Variants in KBTBD3 observed in about 807,000 individuals in gnomAD.
KBTBD3 encodes kelch repeat and BTB domain containing 3.
Under a neutral mutation model 49.6 loss-of-function variants are expected in KBTBD3, and 38 were observed. The ratio of observed to expected loss-of-function variants is 0.77; its 90% CI spans 0.59 to 1.00. The LOEUF (loss-of-function observed/expected upper bound fraction) is 1.00, where lower values mean the gene tolerates loss of function less well. KBTBD3 is among the 50% of genes least tolerant of loss of function. KBTBD3 has a pLI of 0.00. For missense variants in KBTBD3, 661 were observed against 712.0 expected (o/e 0.93, Z 0.81); for synonymous variants, 214 against 250.4 (o/e 0.85, Z 1.37).
intron 2 of KBTBD3, among the ~76,000 whole-genome samples, chr11:106,070,230 A>G (rs574083809): frequency 6.6e-6 from 1 of 152,138 alleles, no homozygotes; most frequent in Admixed American, 6.5e-5. Flanking sequence ...TAACACATAA[A>G]TGAAAAAAAT....
intron 2 of KBTBD3, among the ~76,000 whole-genome samples, chr11:106,072,194 C>T (rs1320901131): frequency 6.6e-6 from 1 of 152,062 alleles, no homozygotes; most frequent in Non-Finnish European, 1.5e-5. Context: ...AATGATATAT[C>T]ACTAATGCTC....
intron 2 of KBTBD3, among the ~76,000 whole-genome samples, chr11:106,074,339 A>G (rs1174449161): frequency 6.6e-6 from 1 of 152,144 alleles, no homozygotes; most frequent in African/African-American, 2.4e-5. Flanking sequence ...CATCACCTCC[A>G]GTTATCGTCT....
At chr11:106,073,501 T>C (rs2135025820) in intron 2 of KBTBD3, among the ~76,000 whole-genome samples, 1 of 152,230 alleles carries the variant, frequency 6.6e-6, no homozygotes, top group Admixed American at 6.5e-5. Context: ...AAACAGGCTT[T>C]GATAATTTAA....
At chr11:106,066,037 G>GTA (rs1860805556) in intron 2 of KBTBD3, among the ~76,000 whole-genome samples, 1 of 151,762 alleles carries the variant, frequency 6.6e-6, no homozygotes, top group Non-Finnish European at 1.5e-5. Context: ...TTTTGCTTTG[G>GTA]TATAGATGGG....
intron 2 of KBTBD3, among the ~76,000 whole-genome samples, chr11:106,068,917 A>T (rs934992318): frequency 6.6e-6 from 1 of 152,202 alleles, no homozygotes; most frequent in Non-Finnish European, 1.5e-5. Flanking sequence ...CGATTAGTGT[A>T]ATTTATCCTA....
At chr11:106,057,323 T>C (rs1860573097) in intron 3 of KBTBD3, 1 of 152,236 alleles carries the variant, frequency 6.6e-6, no homozygotes, top group Non-Finnish European at 1.5e-5. Flanking sequence ...TCTTAGTATT[T>C]CTATATCTTA....
rs1860461552 is a variant in KBTBD3, at chr11:106,053,200, A to T, written c.1489T>A (p.Phe497Ile). 3 of 1,613,550 alleles carry T rather than the reference A, an allele frequency of 1.9e-6. No homozygotes were observed. The Admixed American group carries it at 5.0e-5, about 27-fold the overall frequency. The change falls in exon 4 of 4, where the codon TTT (phenylalanine) becomes ATT (isoleucine). Residue 497 changes from phenylalanine (F) to isoleucine (I), a missense_variant. By Grantham distance (21) the Phe-to-Ile change is conservative. Transcript: ENST00000531837. ...SELVAEFGQF[F>I]HATLIKAVPV... ...ACAGCTTTAATTAATGTTGCATGAA[A>T]AAATTGCCCAAACTCTGCTACTAGT...
In KBTBD3 at chr11:106,054,473, A is replaced by G. The variant is rs951510521; in HGVS notation, c.234-18T>C. On this transcript the variant is annotated intron_variant, in intron 3 of 3. Coordinates refer to ENST00000531837, the MANE Select transcript of KBTBD3 (RefSeq NM_198439.3). ...ACATAGCCCTGCAAAAATAAAGAAC[A>G]CAGAAAAACAGCAAGAATATTTTAT... 2.0e-6 allele frequency: 3 copies of G among 1,470,462 alleles called. No homozygotes were observed. The highest frequency in any genetic ancestry group is 2.8e-5 in the African/African-American group (2 of 70,772). 91.1% of individuals were successfully genotyped at this position (1,470,462 alleles called of 1,614,324 possible).
intron 2 of KBTBD3, among the ~76,000 whole-genome samples, chr11:106,072,865 A>C (rs963908674): frequency 1.3e-5 from 2 of 152,240 alleles, no homozygotes; most frequent in African/African-American, 4.8e-5. Flanking sequence ...TATAAAGAGA[A>C]TAAAAGACAG....
chr11:106,067,533 C>T (rs1488818271), intron 2 of KBTBD3, among the ~76,000 whole-genome samples: 1 of 151,846 alleles, frequency 6.6e-6, no homozygotes, highest in African/African-American at 2.4e-5. Context: ...ATTGCTTGAA[C>T]CCGGGAGGCA....
At chr11:106,069,733 C>T (rs2135020472) in intron 2 of KBTBD3, among the ~76,000 whole-genome samples, 2 of 151,974 alleles carry the variant, frequency 1.3e-5, no homozygotes, top group South Asian at 4.1e-4. Flanking sequence ...AAAATCCTGG[C>T]ACAATTTTTT....
At chr11:106,065,331 A>G (rs948438463) in intron 2 of KBTBD3, among the ~76,000 whole-genome samples, 2 of 152,162 alleles carry the variant, frequency 1.3e-5, no homozygotes, top group Admixed American at 1.3e-4. Flanking sequence ...CATGATCGAT[A>G]TGTACACATG....
chr11:106,074,051 T>C (rs1356912745), intron 2 of KBTBD3, among the ~76,000 whole-genome samples: 1 of 151,938 alleles, frequency 6.6e-6, no homozygotes, highest in Admixed American at 6.6e-5. Flanking sequence ...ATACTAGAAA[T>C]ACAGCGAAAA....
At chr11:106,064,960 T>C (rs1450158833) in intron 2 of KBTBD3, among the ~76,000 whole-genome samples, 1 of 152,206 alleles carries the variant, frequency 6.6e-6, no homozygotes, top group Non-Finnish European at 1.5e-5. Flanking sequence ...ATAGGTTATC[T>C]CCTACAACCT....
Position 106,053,841 on chromosome 11 carries a change from C to A in KBTBD3, c.848G>T (p.Gly283Val), listed in dbSNP as rs1452874825. The change falls in exon 4 of 4, where the codon GGA becomes GTA. Residue 283 changes from glycine to valine, a missense_variant. Gly to Val is a moderately radical substitution (Grantham distance 109, BLOSUM62 -3). Transcript: ENST00000531837. Reference protein sequence around the residue: ...DAIKCVQGSGGLFPDARPSTT... With the variant: ...DAIKCVQGSGVLFPDARPSTT... ...GGATGGTCGAGCATCAGGGAAGAGT[C>A]CACCAGAACCTTGCACACACTTAAT... is the stretch of plus-strand genomic sequence containing the variant. The A allele has an allele frequency of 2.5e-6, 4 of 1,613,848 alleles. No homozygotes were observed. Among genetic ancestry groups the A allele is most frequent in the South Asian group, 1.1e-5 (1 of 91,080 alleles).
intron 2 of KBTBD3, among the ~76,000 whole-genome samples, chr11:106,062,409 C>A (rs1860719910): frequency 6.6e-6 from 1 of 151,978 alleles, no homozygotes; most frequent in Non-Finnish European, 1.5e-5. Context: ...AGCTGGATAC[C>A]CAGGAGAGCT....
chr11:106,060,233 CTATT>C (rs1251517313), intron 2 of KBTBD3, among the ~76,000 whole-genome samples: 9 of 151,400 alleles, frequency 5.9e-5, no homozygotes, highest in East Asian at 1.9e-4. Context: ...TTCGATATAT[CTATT>C]TAATACACAT....
At chr11:106,077,150 C>A (rs1314203934) in intron 1 of KBTBD3, among the ~76,000 whole-genome samples, 162 bp downstream of exon 1, 1 of 152,118 alleles carries the variant, frequency 6.6e-6, no homozygotes, top group Non-Finnish European at 1.5e-5. Flanking sequence ...GCAGGGGGCA[C>A]CACTGCAGAC....
chr11:106,067,268 C>T (rs1860827471), intron 2 of KBTBD3, among the ~76,000 whole-genome samples: 1 of 152,120 alleles, frequency 6.6e-6, no homozygotes. Context: ...TATCGTTCTC[C>T]TCCTACTAGA....
Sources: gnomAD v4.1 joint callset for allele counts (sites outside exome capture counted in the v4.1 genomes callset) on GRCh38, gnomAD v4.1.1 for gene constraint, MANE v1.5 for transcripts, NCBI Gene and HGNC (gene_info 2026-07-23, HGNC 2026-07-21) for gene names.